MAST2: variants seen among roughly 807,000 people sequenced by gnomAD.
MAST2 encodes microtubule-associated serine/threonine-protein kinase 2.
A neutral mutation model predicts 147.4 loss-of-function variants in MAST2; 70 were observed. The observed-to-expected ratio is 0.47, with a 90% CI of 0.39 to 0.58. The LOEUF (loss-of-function observed/expected upper bound fraction) is 0.58, where lower values mean the gene tolerates loss of function less well. Ranked by LOEUF, MAST2 falls within the 20% of genes least tolerant of loss-of-function variation. The pLI is 0.00. For synonymous variants in MAST2, 869 were observed against 896.8 expected (o/e 0.97, Z 0.55); for missense variants, 2,080 against 2,302.3 (o/e 0.90, Z 1.98).
chr1:45,807,786 C>G (rs1644183442), intron 1 of MAST2, among the ~76,000 whole-genome samples: 1 of 152,178 alleles, frequency 6.6e-6, no homozygotes, highest in South Asian at 2.1e-4. Context: ...AGGTGATCCA[C>G]CCACCTCGGC....
At position 45,888,223 on chromosome 1, in the gene MAST2, C is replaced by T. The variant is rs1458659900; in HGVS notation, c.500+5828C>T. Reference sequence around the variant, plus strand: ...GTCTTTCTCAAAAATCAGGTCCTCTCTTATACTCTAGCTTATTAAATGGTA... The same window carrying T: ...GTCTTTCTCAAAAATCAGGTCCTCTTTTATACTCTAGCTTATTAAATGGTA... On this transcript the variant is annotated intron_variant, in intron 4 of 28. Transcript: ENST00000361297. Among the ~76,000 whole-genome samples, 3 of 152,110 alleles carry T rather than the reference C, an allele frequency of 2.0e-5. No individual in the cohort carries two copies. In the East Asian group the frequency reaches 5.8e-4, roughly 29 times the overall value.
chr1:45,882,160 C>T (rs1646880212), intron 3 of MAST2, among the ~76,000 whole-genome samples: 1 of 150,022 alleles, frequency 6.7e-6, no homozygotes, highest in Non-Finnish European at 1.5e-5. Context: ...CCACTGCACT[C>T]CAGCCTGGGA....
At chr1:45,882,245 A>G (rs1317255971) in intron 3 of MAST2, 119 bp from the exon 4 acceptor site, 1 of 588,334 alleles carries the variant, frequency 1.7e-6, no homozygotes, top group African/African-American at 2.0e-5. Context: ...GTTGTTATTT[A>G]GAAATATGTG....
chr1:46,025,879 G>A, intron 16 of MAST2, 64 bp downstream of exon 16: 1 of 1,600,070 alleles, frequency 6.2e-7, no homozygotes, highest in Non-Finnish European at 8.6e-7. Context: ...TAAAATGTTG[G>A]CAAGCACAGT....
At chr1:46,002,394 C>A (rs1378315549) in intron 6 of MAST2, among the ~76,000 whole-genome samples, 3 of 152,150 alleles carry the variant, frequency 2.0e-5, no homozygotes, top group Non-Finnish European at 4.4e-5. Context: ...TGGGGAAGAC[C>A]AAAGAGCCCT....
At chr1:46,022,547 C>G (rs1646230922) in intron 12 of MAST2, among the ~76,000 whole-genome samples, 1 of 151,800 alleles carries the variant, frequency 6.6e-6, no homozygotes, top group African/African-American at 2.4e-5. Context: ...CTGTAGGTAT[C>G]CTGCTCCTGC....
At chr1:45,999,468 C>T (rs1645187422) in intron 6 of MAST2, among the ~76,000 whole-genome samples, 1 of 152,164 alleles carries the variant, frequency 6.6e-6, no homozygotes, top group African/African-American at 2.4e-5. Context: ...GTGGCTAGAT[C>T]CCCATAGGTG....
chr1:45,974,783 A>G (rs950763396), intron 5 of MAST2, among the ~76,000 whole-genome samples: 3 of 152,226 alleles, frequency 2.0e-5, no homozygotes, highest in Admixed American at 1.3e-4. Flanking sequence ...GAGACTAGTC[A>G]GCTTTTCTAT....
intron 5 of MAST2, among the ~76,000 whole-genome samples, chr1:45,996,653 A>G (rs926028749): frequency 6.6e-6 from 1 of 152,172 alleles, no homozygotes; most frequent in African/African-American, 2.4e-5. Context: ...ATGCCATTAT[A>G]TAATTGATAC....
At chr1:45,965,826 C>G (rs1178701098) in intron 5 of MAST2, among the ~76,000 whole-genome samples, 3 of 152,036 alleles carry the variant, frequency 2.0e-5, no homozygotes, top group Non-Finnish European at 2.9e-5. Context: ...TATAGGCTCC[C>G]CATTATCAGC....
intron 2 of MAST2, among the ~76,000 whole-genome samples, chr1:45,827,632 G>C (rs1327360177): frequency 6.6e-6 from 1 of 151,376 alleles, no homozygotes; most frequent in Non-Finnish European, 1.5e-5. Flanking sequence ...TGGAAGTTTT[G>C]AGCAGAACAC....
intron 17 of MAST2, 97 bp from the exon 18 acceptor site, chr1:46,028,671 G>A (rs1301399170): frequency 7.6e-7 from 1 of 1,307,334 alleles, no homozygotes; most frequent in African/African-American, 1.5e-5. Flanking sequence ...TTCATTCAGA[G>A]ATTCTTCTGC....
At chr1:45,829,395 CAATA>C in intron 2 of MAST2, 40 bp from the exon 3 acceptor site, 1 of 1,537,212 alleles carries the variant, frequency 6.5e-7, no homozygotes, top group East Asian at 2.3e-5. Context: ...ATTTGTTTAT[CAATA>C]AATAATTACA....
chr1:45,862,189 C>T (rs1646002263), intron 3 of MAST2, among the ~76,000 whole-genome samples: 1 of 152,210 alleles, frequency 6.6e-6, no homozygotes, highest in African/African-American at 2.4e-5. Flanking sequence ...GAGCAGGTTA[C>T]ACACTACTCT....
At chr1:45,844,625 AGT>A (rs1359875750) in intron 3 of MAST2, among the ~76,000 whole-genome samples, 1 of 152,048 alleles carries the variant, frequency 6.6e-6, no homozygotes, top group Non-Finnish European at 1.5e-5. Context: ...GGGATTTTAC[AGT>A]GTTTCCCAGT....
intron 4 of MAST2, among the ~76,000 whole-genome samples, chr1:45,903,957 C>T (rs949108945): frequency 5.3e-5 from 8 of 152,216 alleles, no homozygotes; most frequent in African/African-American, 1.2e-4. Context: ...CAATAGAAAA[C>T]TAATACATCA....
chr1:45,861,289 A>G (rs1181141028), intron 3 of MAST2, among the ~76,000 whole-genome samples: 1 of 152,238 alleles, frequency 6.6e-6, no homozygotes, highest in Non-Finnish European at 1.5e-5. Flanking sequence ...GAAGAAAGCC[A>G]CACAACGGAG....
At chr1:45,883,911 T>TTCCCCCC (rs1491218010) in intron 4 of MAST2, among the ~76,000 whole-genome samples, 2 of 508 alleles carry the variant, frequency 3.9e-3, no homozygotes, top group Non-Finnish European at 0.011. Context: ...CTACTATTTC[T>TTCCCCCC]GCCCCCCCCG....
At chr1:45,999,659 G>T (rs994123835) in intron 6 of MAST2, among the ~76,000 whole-genome samples, 6 of 152,180 alleles carry the variant, frequency 3.9e-5, no homozygotes, top group African/African-American at 1.2e-4. Flanking sequence ...AAGGAATGCT[G>T]TTCCCTCAGA....
Sources: allele counts gnomAD v4.1 joint callset (sites outside exome capture counted in the v4.1 genomes callset), GRCh38; gene constraint gnomAD v4.1.1; transcripts MANE v1.5; gene names NCBI Gene and HGNC (gene_info 2026-07-23, HGNC 2026-07-21).